The following PTGS1 variants were observed in gnomAD, a reference collection of about 807,000 sequenced individuals.
PTGS1 encodes prostaglandin-endoperoxide synthase 1.
Under a neutral mutation model 63.0 loss-of-function variants are expected in PTGS1, and 40 were observed. The observed-to-expected ratio is 0.63, with a 90% CI of 0.49 to 0.83. The LOEUF (loss-of-function observed/expected upper bound fraction) is 0.83. PTGS1 is among the 40% of genes least tolerant of loss of function. The probability of loss-of-function intolerance (pLI) is 0.00; values close to 1 mark genes in which losing one functional copy is unlikely to be tolerated. For missense variants in PTGS1, 709 were observed against 786.5 expected (o/e 0.90, Z 1.18); for synonymous variants, 298 against 301.9 (o/e 0.99, Z 0.13).
chr9:122,377,488 G>A (rs1018088480), intron 2 of PTGS1, among the ~76,000 whole-genome samples: 53 of 138,614 alleles, frequency 3.8e-4, no homozygotes, highest in Middle Eastern at 3.9e-3. Flanking sequence ...CCCCCGCCCC[G>A]GCCTGCTCTT....
intron 9 of PTGS1, 110 bp downstream of exon 9, chr9:122,386,842 A>G (rs1054476391): frequency 7.6e-7 from 1 of 1,311,892 alleles, no homozygotes; most frequent in African/African-American, 1.5e-5. Context: ...TCACTTCTAC[A>G]GGGCAGTTGT....
rs1588146271 is a variant in PTGS1 at position 122,392,895 on chromosome 9, G to A, written c.*351G>A. The A allele has an allele frequency of 5.0e-6, 1 of 199,748 alleles. No homozygotes were observed. The highest frequency in any genetic ancestry group is 1.1e-4 in the East Asian group (1 of 8,760). The allele number at this position is 199,748 out of a possible 1,614,324, so 12.4% of individuals were successfully genotyped here. A position where few individuals can be genotyped will look rare whatever the true frequency, so the allele number is the denominator to read the frequency against. The stretch of plus-strand genomic sequence containing the variant: ...CTGATGAAATCTGCTAGAAAGTTAG[G>A]GGGTTCTTATTTTGCATTCCAGAAT... On this transcript the variant is annotated 3_prime_UTR_variant, in exon 11 of 11. Transcript: ENST00000362012.
rs1838520437 is a variant in PTGS1, at chr9:122,395,396, G to A, written c.*2852G>A. ...CAGTTTGGTTGGGCTATAGCACACA[G>A]TTATTTAATCAAACAGTAATCTAGG... On this transcript the variant is annotated 3_prime_UTR_variant, in exon 11 of 11. Transcript: ENST00000362012. The A allele has an allele frequency of 6.6e-6, 1 of 152,318 alleles. No individual in the cohort carries two copies. Among genetic ancestry groups the A allele is most frequent in the South Asian group, 2.1e-4 (1 of 4,826 alleles). 9.4% of individuals were successfully genotyped at this position (152,318 alleles called of 1,614,324 possible). A position where few individuals can be genotyped will look rare whatever the true frequency, so the allele number is the denominator to read the frequency against.
chr9:122,387,724 T>G (rs10306164), intron 9 of PTGS1, among the ~76,000 whole-genome samples: 34,817 of 152,168 alleles, frequency 0.23, 4,705 homozygotes, highest in African/African-American at 0.37. Context: ...GAGCCACTCA[T>G]TCTGTGGTAC....
rs143788742 is a variant in PTGS1 at position 122,387,396 on chromosome 9, T to C, written c.1296+664T>C. Among the ~76,000 whole-genome samples, 1,260 of 152,304 alleles carry C rather than the reference T, an allele frequency of 8.3e-3. 13 individuals are homozygous for C. Among genetic ancestry groups the C allele is most frequent in the South Asian group, 0.021 (100 of 4,830 alleles). ...TTTATTAAATCATAAGCCTCCGCTCTGGGCTGAATTGTGGCTCTTTTAAAG... is the reference window on the plus strand; with the variant it reads ...TTTATTAAATCATAAGCCTCCGCTCCGGGCTGAATTGTGGCTCTTTTAAAG... On this transcript the variant is annotated intron_variant, in intron 9 of 10. Transcript: ENST00000362012.
Position 122,371,053 on chromosome 9 carries a change from C to T in PTGS1, c.-32C>T. 6.3e-7 allele frequency: 1 copy of T among 1,583,636 alleles called. No individual in the cohort carries two copies. Among genetic ancestry groups the T allele is most frequent in the Non-Finnish European group, 8.5e-7 (1 of 1,172,358 alleles). ...TGCGAGGCGCACGCACAGGAGCCTG[C>T]ACTCTGCGTCCCGCACCCCAGCAGC... On this transcript the variant is annotated 5_prime_UTR_variant, in exon 1 of 11. Transcript: ENST00000362012.
intron 2 of PTGS1, among the ~76,000 whole-genome samples, chr9:122,373,947 A>G (rs12004533): frequency 0.099 from 15,094 of 151,792 alleles, 2,388 homozygotes; most frequent in African/African-American, 0.34. Flanking sequence ...TCACTGGGCA[A>G]TCTTGCAGCC....
At chr9:122,387,086 T>A (rs538405956) in intron 9 of PTGS1, among the ~76,000 whole-genome samples, 1 of 151,960 alleles carries the variant, frequency 6.6e-6, no homozygotes, top group South Asian at 2.1e-4. Context: ...TCTAAGAGTA[T>A]GTTATAAACC....
At chr9:122,376,141 G>T (rs897097898) in intron 2 of PTGS1, among the ~76,000 whole-genome samples, 4 of 152,142 alleles carry the variant, frequency 2.6e-5, no homozygotes, top group Admixed American at 2.6e-4. Context: ...CCTGTGGCTG[G>T]GGGAGGCGGG....
At position 122,381,366 on chromosome 9, in the gene PTGS1, A is replaced by G. The variant is rs1368459800; in HGVS notation, c.497-5A>G. 2 of 1,613,624 alleles carry G rather than the reference A, an allele frequency of 1.2e-6. No individual in the cohort carries two copies. The highest frequency in any genetic ancestry group is 1.1e-5 in the South Asian group (1 of 90,990). On this transcript the variant is annotated splice_polypyrimidine_tract_variant and splice_region_variant and intron_variant, in intron 5 of 10. Coordinates refer to ENST00000362012, the MANE Select transcript of PTGS1 (RefSeq NM_000962.4). ...AGCTACTGCTGTTTCCTACCCCCCA[A>G]CCAGGGAAGAAGCAGTTGCCAGATG...
chr9:122,390,939 A>G (rs1293735804), intron 10 of PTGS1, among the ~76,000 whole-genome samples: 3 of 152,074 alleles, frequency 2.0e-5, no homozygotes, highest in Non-Finnish European at 4.4e-5. Context: ...GACAGCAGGT[A>G]TCTAGGGAAA....
At chr9:122,390,956 T>C (rs1432380038) in intron 10 of PTGS1, among the ~76,000 whole-genome samples, 5 of 151,938 alleles carry the variant, frequency 3.3e-5, no homozygotes, top group African/African-American at 7.3e-5. Context: ...GAAACAGTCA[T>C]AGATGTGGCT....
chr9:122,392,544 A>AG lies in PTGS1; in HGVS notation c.*4dup. On this transcript the variant is annotated 3_prime_UTR_variant, in exon 11 of 11. Transcript: ENST00000362012. Reference sequence around the variant, plus strand: ...TGGAGCGACCATCCACAGAGCTCTGAGGGGCAGGAAAGCAGCATTCTGGAG... The same window carrying AG: ...TGGAGCGACCATCCACAGAGCTCTGAGGGGGCAGGAAAGCAGCATTCTGGAG... 1 of 1,609,458 alleles carries AG rather than the reference A, an allele frequency of 6.2e-7. No homozygotes were observed. The highest frequency in any genetic ancestry group is 1.7e-4 in the Middle Eastern group (1 of 5,974).
chr9:122,378,236 A>G (rs1428525453), intron 3 of PTGS1, among the ~76,000 whole-genome samples, 197 bp from the exon 4 acceptor site: 2 of 151,972 alleles, frequency 1.3e-5, no homozygotes, highest in Non-Finnish European at 2.9e-5. Context: ...TCTTCACCAC[A>G]TGCCCTGGCC....
rs1644706740 is a variant in PTGS1 at position 122,375,745 on chromosome 9, G to T, written c.95-2154G>T. On this transcript the variant is annotated intron_variant, in intron 2 of 10. Transcript: ENST00000362012. Reference sequence around the variant, plus strand: ...AGCTGATTTGGAGGAAATGTATTAAGGAGGCTAACAGCCTGGATGAAGGAT... The same window carrying T: ...AGCTGATTTGGAGGAAATGTATTAATGAGGCTAACAGCCTGGATGAAGGAT... 2.6e-5 allele frequency among the ~76,000 whole-genome samples: 4 copies of T among 152,152 alleles called. No homozygotes were observed. In the South Asian group the frequency reaches 8.3e-4, roughly 32 times the overall value.
Position 122,383,674 on chromosome 9 carries a change from CGT to C in PTGS1, c.936_937del (p.Cys312Ter). 6.2e-7 allele frequency: 1 copy of C among 1,614,048 alleles called. No individual in the cohort carries two copies. Among genetic ancestry groups the C allele is most frequent in the South Asian group, 1.1e-5 (1 of 91,066 alleles). On this transcript the variant is annotated frameshift_variant, in exon 8 of 11. Coordinates refer to ENST00000362012, the MANE Select transcript of PTGS1 (RefSeq NM_000962.4). LOFTEE classifies it high-confidence loss of function. ...CACGCTCTGGCTACGTGAGCACAAC[CGT>C]GTGTGTGACCTGCTGAAGGCTGAGC... ...YATLWLREHN[R>X]VCDLLKAEHP...
rs1340193221 is a variant in PTGS1 at position 122,392,533 on chromosome 9, A to G, written c.1789A>G (p.Thr597Ala). The change falls in exon 11 of 11, where the codon ACA (threonine) becomes GCA (alanine). Residue 597 changes from threonine to alanine, a missense_variant. Thr to Ala is a moderately conservative substitution (Grantham distance 58). Coordinates refer to ENST00000362012, the MANE Select transcript of PTGS1 (RefSeq NM_000962.4). ...DDGPAVERPS[T>A]EL ...TGGGCCTGCTGTGGAGCGACCATCC[A>G]CAGAGCTCTGAGGGGCAGGAAAGCA... is the stretch of plus-strand genomic sequence containing the variant. The G allele has an allele frequency of 2.5e-6, 4 of 1,612,884 alleles. No individual in the cohort carries two copies. The African/African-American group carries it at 5.3e-5, about 22-fold the overall frequency.
At chr9:122,371,587 C>G in intron 2 of PTGS1, 2 of 1,430,440 alleles carry the variant, frequency 1.4e-6, no homozygotes, top group African/African-American at 1.4e-5. Flanking sequence ...AGCCTCTGCA[C>G]CCAACAACCC....
chr9:122,378,410 A>G (rs1588124474), intron 3 of PTGS1, 23 bp from the exon 4 acceptor site: 1 of 1,611,878 alleles, frequency 6.2e-7, no homozygotes, highest in African/African-American at 1.3e-5. Context: ...GGACCAACTG[A>G]GTGACTGCCA....
Sources: gnomAD v4.1 joint callset for allele counts (sites outside exome capture counted in the v4.1 genomes callset) on GRCh38, gnomAD v4.1.1 for gene constraint, MANE v1.5 for transcripts, NCBI Gene and HGNC (gene_info 2026-07-23, HGNC 2026-07-21) for gene names.